Variants in MTMR6 observed in about 807,000 individuals in gnomAD.
MTMR6 encodes myotubularin related protein 6, also known as phosphatidylinositol-3,5-bisphosphate 3-phosphatase MTMR6.
A neutral mutation model predicts 80.1 loss-of-function variants in MTMR6; 47 were observed. The observed-to-expected ratio is 0.59, with a 90% CI of 0.46 to 0.75. MTMR6 has a LOEUF of 0.75. MTMR6 is among the 30% of genes least tolerant of loss of function. MTMR6 has a pLI of 0.00. For synonymous variants in MTMR6, 254 were observed against 253.0 expected (o/e 1.00, Z -0.04); for missense variants, 629 against 730.9 (o/e 0.86, Z 1.61).
At chr13:25,270,972 T>G (rs755356235) in intron 2 of MTMR6, among the ~76,000 whole-genome samples, 2 of 152,082 alleles carry the variant, frequency 1.3e-5, no homozygotes, top group African/African-American at 2.4e-5. Context: ...GCACAGATGT[T>G]TTTCATATTT....
At position 25,251,871 on chromosome 13, in the gene MTMR6, G is replaced by A; in HGVS notation, c.1460C>T (p.Thr487Ile). 1 of 1,608,308 alleles carries A rather than the reference G, an allele frequency of 6.2e-7. No individual in the cohort carries two copies. The highest frequency in any genetic ancestry group is 2.2e-5 in the East Asian group (1 of 44,788). The part of the protein sequence containing the change: ...SHRFTVLEPN[T>I]VSFNFKFWRN... ...AACTTACTTAAAATTGAAAGATACT[G>A]TATTTGGCTCCAAAACTGTAAATCT... is the stretch of plus-strand genomic sequence containing the variant. Residue 487 changes from threonine to isoleucine, a missense_variant, in exon 12 of 14, where the codon ACA becomes ATA. Coordinates refer to ENST00000381801, the MANE Select transcript of MTMR6 (RefSeq NM_004685.5). This position sits in a 1 kb window ranked among gnomAD's most constrained non-coding sequence, Gnocchi z 4.1.
chr13:25,284,067 T>C (rs750917912), intron 1 of MTMR6, among the ~76,000 whole-genome samples: 6 of 152,314 alleles, frequency 3.9e-5, no homozygotes, highest in Admixed American at 6.5e-5. Flanking sequence ...AAATCTCTGG[T>C]TAGCAAGCAA....
chr13:25,251,164 G>C lies in MTMR6; in HGVS notation c.1605+485C>G, dbSNP rs1459228213. ...CCCAAGTAGCTGGGATTACAGGCAT[G>C]CGCCACCATGCCCGGCTACTTTTTT... On this transcript the variant is annotated intron_variant, in intron 13 of 13. Coordinates refer to ENST00000381801, the MANE Select transcript of MTMR6 (RefSeq NM_004685.5). This position sits in a 1 kb window ranked among gnomAD's most constrained non-coding sequence, Gnocchi z 4.1. Among the ~76,000 whole-genome samples, 5 of 152,092 alleles carry C rather than the reference G, an allele frequency of 3.3e-5. No individual in the cohort carries two copies. The highest frequency in any genetic ancestry group is 5.9e-5 in the Non-Finnish European group (4 of 68,024).
At chr13:25,283,865 T>C (rs1446107613) in intron 1 of MTMR6, among the ~76,000 whole-genome samples, 2 of 152,178 alleles carry the variant, frequency 1.3e-5, no homozygotes, top group Admixed American at 6.5e-5. Flanking sequence ...GACTATGTCA[T>C]TATGGCAAAA....
rs370202733 is a variant in MTMR6, at chr13:25,274,619, G to A, written c.25-432C>T. Among the ~76,000 whole-genome samples, 8 of 152,128 alleles carry A rather than the reference G, an allele frequency of 5.3e-5. No homozygotes were observed. In the East Asian group the frequency reaches 1.2e-3, roughly 22 times the overall value. ...TTAAATGGTTGCCAACTCCAACTTA[G>A]TCTCTATATTCTCTTCACTATCCCA... On this transcript the variant is annotated intron_variant, in intron 1 of 13. Transcript: ENST00000381801.
chr13:25,282,933 T>G (rs1442375773), intron 1 of MTMR6, among the ~76,000 whole-genome samples: 15 of 151,978 alleles, frequency 9.9e-5, no homozygotes, highest in Admixed American at 9.8e-4. Context: ...GTGTTTAGAC[T>G]TTTCTCCACA....
rs578032598 is a variant in MTMR6 at position 25,257,032 on chromosome 13, C to T, written c.1095+164G>A. 1.9e-3 allele frequency among the ~76,000 whole-genome samples: 291 copies of T among 152,272 alleles called. 3 individuals carry two copies. The highest frequency in any genetic ancestry group is 1.8e-4 in the Non-Finnish European group (12 of 68,004). The stretch of plus-strand genomic sequence containing the variant: ...CTGACCCCCCAGCAAAAATTTTGTG[C>T]ATTATAAAATGTTTAGTTAGCAATA... On this transcript the variant is annotated intron_variant, in intron 9 of 13. Transcript: ENST00000381801.
rs1593137660 is a variant in MTMR6 at position 25,246,398 on chromosome 13, A to C, written c.*2834T>G. ...ACATTGATATCTAGACATATATCTT[A>C]AACAGTCTCCAAATTTTCTTTAATT... On this transcript the variant is annotated 3_prime_UTR_variant, in exon 14 of 14. Coordinates refer to ENST00000381801, the MANE Select transcript of MTMR6 (RefSeq NM_004685.5). 1 of 131,096 alleles carries C rather than the reference A, an allele frequency of 7.6e-6. No homozygotes were observed. The highest frequency in any genetic ancestry group is 2.5e-5 in the African/African-American group (1 of 39,456). The allele number at this position is 131,096 out of a possible 1,614,324, so 8.1% of individuals were successfully genotyped here.
At chr13:25,271,283 G>A (rs1957570448) in intron 2 of MTMR6, among the ~76,000 whole-genome samples, 1 of 152,088 alleles carries the variant, frequency 6.6e-6, no homozygotes, top group South Asian at 2.1e-4. Flanking sequence ...TAAGCAATGG[G>A]GCTACTGAGG....
intron 4 of MTMR6, 84 bp downstream of exon 4, chr13:25,266,045 T>G: frequency 6.3e-7 from 1 of 1,592,686 alleles, no homozygotes; most frequent in Non-Finnish European, 8.6e-7. Flanking sequence ...CACATTTCAG[T>G]ACACAGACAA....
rs1483882859 is a variant in MTMR6, at chr13:25,253,681, T to C, written c.1346+83A>G. ...AATAAACTTTCAAATTGTCAAGATA[T>C]TTTATTAAGTTTCAAACATGATTTT... On this transcript the variant is annotated intron_variant, in intron 11 of 13. Transcript: ENST00000381801. 7 of 1,187,650 alleles carry C rather than the reference T, an allele frequency of 5.9e-6. No individual in the cohort carries two copies. In the African/African-American group the frequency reaches 1.1e-4, roughly 18 times the overall value. 73.6% of individuals were successfully genotyped at this position (1,187,650 alleles called of 1,614,324 possible).
intron 6 of MTMR6, among the ~76,000 whole-genome samples, chr13:25,259,283 A>G (rs1446688959): frequency 6.6e-6 from 1 of 152,234 alleles, no homozygotes; most frequent in Admixed American, 6.5e-5. Context: ...ACTGGTCTCC[A>G]GGAAAAAACA....
At chr13:25,260,719 T>A (rs1408921196) in intron 6 of MTMR6, 2 of 1,093,874 alleles carry the variant, frequency 1.8e-6, no homozygotes, top group East Asian at 1.2e-4. Context: ...ACGTTAGCTA[T>A]TACCACTGAG....
chr13:25,255,088 T>C (rs1330628133), intron 9 of MTMR6, among the ~76,000 whole-genome samples: 5 of 152,222 alleles, frequency 3.3e-5, no homozygotes, highest in Non-Finnish European at 7.3e-5. Flanking sequence ...CACATATTTG[T>C]AGTATTTAGT....
chr13:25,287,180 T>A, intron 1 of MTMR6, 44 bp downstream of exon 1: 1 of 1,578,320 alleles, frequency 6.3e-7, no homozygotes, highest in Non-Finnish European at 8.6e-7. Flanking sequence ...CTCAGCCGGG[T>A]CAGAGCAGGG....
At chr13:25,278,519 G>A (rs1185393101) in intron 1 of MTMR6, among the ~76,000 whole-genome samples, 14 of 151,980 alleles carry the variant, frequency 9.2e-5, no homozygotes, top group South Asian at 2.1e-4. Context: ...TCAGGAGTTC[G>A]AAACCAGCCT....
chr13:25,282,605 TTTTTTC>T (rs1202058924), intron 1 of MTMR6, among the ~76,000 whole-genome samples: 3,074 of 146,582 alleles, frequency 0.021, 109 homozygotes, highest in African/African-American at 0.073. Context: ...TTCTTTTTTC[TTTTTTC>T]TTTTTTTTTT....
At chr13:25,252,719 A>G (rs992523747) in intron 11 of MTMR6, among the ~76,000 whole-genome samples, 2 of 128,862 alleles carry the variant, frequency 1.6e-5, no homozygotes, top group African/African-American at 2.5e-5. Flanking sequence ...TTCCTAAAAT[A>G]GCTCTGTACT....
At chr13:25,257,131 T>A in intron 9 of MTMR6, 65 bp downstream of exon 9, 1 of 1,492,006 alleles carries the variant, frequency 6.7e-7, no homozygotes, top group Non-Finnish European at 9.1e-7. Flanking sequence ...TTGCCAAATG[T>A]CCTCTGGAGG....
Sources: allele counts gnomAD v4.1 joint callset (sites outside exome capture counted in the v4.1 genomes callset), GRCh38; gene constraint gnomAD v4.1.1; non-coding constraint Gnocchi (gnomAD v3.1); transcripts MANE v1.5; gene names NCBI Gene and HGNC (gene_info 2026-07-23, HGNC 2026-07-21).